The following EGLN3 variants were observed in gnomAD, a reference collection of about 807,000 sequenced individuals.
EGLN3 encodes the protein egl-9 family hypoxia inducible factor 3.
In EGLN3, 15 loss-of-function variants were observed where a neutral mutation model predicts 26.0. The observed-to-expected ratio is 0.58, with a 90% CI of 0.39 to 0.89. The LOEUF (loss-of-function observed/expected upper bound fraction) is 0.89, where lower values mean the gene tolerates loss of function less well. EGLN3 is among the 40% of genes least tolerant of loss of function. EGLN3 has a pLI of 0.00. For missense variants in EGLN3, 238 were observed against 311.6 expected (o/e 0.76, Z 1.78); for synonymous variants, 147 against 127.2 (o/e 1.16, Z -1.05).
chr14:33,940,562 T>C (rs1252271067), intron 1 of EGLN3, among the ~76,000 whole-genome samples: 1 of 152,080 alleles, frequency 6.6e-6, no homozygotes, highest in Non-Finnish European at 1.5e-5. Context: ...CCTGGAGAAC[T>C]TGTGAATTTC....
intron 2 of EGLN3, 37 bp from the exon 3 acceptor site, chr14:33,929,249 C>T: frequency 6.2e-7 from 1 of 1,608,894 alleles, no homozygotes; most frequent in African/African-American, 1.3e-5. Context: ...TTTCTTACCT[C>T]TCATGTAGTT....
In EGLN3 at chr14:33,944,796, C is replaced by T. The variant is rs144195950; in HGVS notation, c.357+5600G>A. 6.3e-3 allele frequency among the ~76,000 whole-genome samples: 967 copies of T among 152,326 alleles called. 7 individuals carry two copies. The highest frequency in any genetic ancestry group is 0.01 in the Non-Finnish European group (697 of 68,030). The stretch of plus-strand genomic sequence containing the variant: ...ACTGGGCACTTCCCTTCCCCATCCA[C>T]GGACAGGTCTCCCACAGTGTGCAGC... On this transcript the variant is annotated intron_variant, in intron 1 of 4. Transcript: ENST00000250457.
At chr14:33,929,037 A>G in intron 3 of EGLN3, 39 bp downstream of exon 3, 1 of 1,608,030 alleles carries the variant, frequency 6.2e-7, no homozygotes, top group South Asian at 1.1e-5. Flanking sequence ...GGGTTTGTAC[A>G]CCAAGCTCCG....
intron 1 of EGLN3, among the ~76,000 whole-genome samples, chr14:33,933,639 T>C (rs757207772): frequency 2.0e-5 from 3 of 152,144 alleles, no homozygotes; most frequent in Non-Finnish European, 4.4e-5. Context: ...ATGAGTGCCA[T>C]AGGAGATGGG....
At chr14:33,928,623 C>A (rs2064378892) in intron 3 of EGLN3, among the ~76,000 whole-genome samples, 1 of 152,114 alleles carries the variant, frequency 6.6e-6, no homozygotes, top group Non-Finnish European at 1.5e-5. Flanking sequence ...AAGAGAAAGT[C>A]AAAACAAATT....
chr14:33,947,247 C>A (rs768914096), intron 1 of EGLN3, among the ~76,000 whole-genome samples: 1 of 152,080 alleles, frequency 6.6e-6, no homozygotes, highest in African/African-American at 2.4e-5. Flanking sequence ...GAGTAGCGAG[C>A]GGATAAATCC....
rs555461616 is a variant in EGLN3, at chr14:33,938,488, C to G, written c.358-7273G>C. Among the ~76,000 whole-genome samples the G allele has an allele frequency of 4.6e-4, 70 of 152,262 alleles. 1 individual carries two copies. Among genetic ancestry groups the G allele is most frequent in the Non-Finnish European group, 8.8e-4 (60 of 68,014 alleles). ...GCAGGGTGATGGCTGAGTGACAGGGCTACGTGCGCTGCGTGAGGGTGGCAG... is the reference window on the plus strand; with the variant it reads ...GCAGGGTGATGGCTGAGTGACAGGGGTACGTGCGCTGCGTGAGGGTGGCAG... On this transcript the variant is annotated intron_variant, in intron 1 of 4. Coordinates refer to ENST00000250457, the MANE Select transcript of EGLN3 (RefSeq NM_022073.4).
intron 1 of EGLN3, among the ~76,000 whole-genome samples, chr14:33,938,984 A>G (rs1428556951): frequency 2.0e-5 from 3 of 152,298 alleles, no homozygotes; most frequent in Non-Finnish European, 4.4e-5. Flanking sequence ...AACATCACCT[A>G]TGGCTCTCTA....
At chr14:33,928,173 A>C (rs144152722) in intron 3 of EGLN3, among the ~76,000 whole-genome samples, 47 of 152,332 alleles carry the variant, frequency 3.1e-4, no homozygotes, top group African/African-American at 1.1e-3. Context: ...CTTCAGTGGT[A>C]GAATTCGTTC....
Position 33,950,605 on chromosome 14 carries a change from G to A in EGLN3, c.148C>T (p.Leu50=). The A allele has an allele frequency of 6.2e-7, 1 of 1,613,678 alleles. No homozygotes were observed. Among genetic ancestry groups the A allele is most frequent in the Non-Finnish European group, 8.5e-7 (1 of 1,179,906 alleles). Reference sequence around the variant, plus strand: ...TCCCGCAGGGCCCCGGTGCAGTGCAGCTGCTTGACGCGCTCCAGGACGCAG... The same window carrying A: ...TCCCGCAGGGCCCCGGTGCAGTGCAACTGCTTGACGCGCTCCAGGACGCAG... ...GDCVLERVKQ[L]HCTGALRDGQ... is the part of the protein sequence containing the mutation. Residue 50 remains leucine, a synonymous_variant, in exon 1 of 5, where the codon CTG becomes TTG. Coordinates refer to ENST00000250457, the MANE Select transcript of EGLN3 (RefSeq NM_022073.4).
intron 1 of EGLN3, among the ~76,000 whole-genome samples, chr14:33,938,718 C>T (rs1489815435): frequency 6.6e-6 from 1 of 152,186 alleles, no homozygotes; most frequent in Non-Finnish European, 1.5e-5. Context: ...ATGCCTTTCC[C>T]CAAATATTAA....
chr14:33,924,453 G>C lies in EGLN3; in HGVS notation c.*1438C>G, dbSNP rs1173693665. On this transcript the variant is annotated 3_prime_UTR_variant, in exon 5 of 5. Transcript: ENST00000250457. ...TATTACCGTACAACAAAATAGAGCA[G>C]TCGTTGAGAATTAATGGTGACATGT... 6.6e-6 allele frequency: 1 copy of C among 152,126 alleles called. No homozygotes were observed. The highest frequency in any genetic ancestry group is 2.4e-5 in the African/African-American group (1 of 41,434). The allele number at this position is 152,126 out of a possible 1,614,324, so 9.4% of individuals were successfully genotyped here. A position where few individuals can be genotyped will look rare whatever the true frequency, so the allele number is the denominator to read the frequency against.
At chr14:33,939,394 TAG>T (rs1258234692) in intron 1 of EGLN3, among the ~76,000 whole-genome samples, 2 of 152,198 alleles carry the variant, frequency 1.3e-5, no homozygotes, top group East Asian at 3.9e-4. Context: ...GTGTTTTTAG[TAG>T]AGACTGGGTT....
rs1594388008 is a variant in EGLN3, at chr14:33,950,639, C to G, written c.114G>C (p.Val38=). ...CGCGCTCCAGGACGCAGTCGCCCAC[C>G]ACCTCGCCCAGGAAGTTGTCCAGGT... ...FCYLDNFLGE[V]VGDCVLERVK... The change falls in exon 1 of 5, where the codon GTG becomes GTC. Residue 38 remains valine, a synonymous_variant. Coordinates refer to ENST00000250457, the MANE Select transcript of EGLN3 (RefSeq NM_022073.4). 7 of 1,614,018 alleles carry G rather than the reference C, an allele frequency of 4.3e-6. No homozygotes were observed. In the East Asian group the frequency reaches 1.6e-4, roughly 36 times the overall value.
intron 1 of EGLN3, among the ~76,000 whole-genome samples, chr14:33,942,295 T>TA (rs35056523): frequency 0.12 from 17,066 of 139,982 alleles, 1,348 homozygotes; most frequent in East Asian, 0.24. Context: ...AAAGTTTAGT[T>TA]AAAAAAAAAA....
At chr14:33,943,635 C>G (rs777231586) in intron 1 of EGLN3, among the ~76,000 whole-genome samples, 7 of 152,158 alleles carry the variant, frequency 4.6e-5, no homozygotes, top group South Asian at 2.1e-4. Context: ...AAGCAGAGGC[C>G]TTGCCAAACC....
chr14:33,948,942 A>G (rs2064536945), intron 1 of EGLN3: 3 of 152,222 alleles, frequency 2.0e-5, no homozygotes, highest in Admixed American at 6.5e-5. Context: ...AGGTCATTTA[A>G]TGCAAAAATC....
chr14:33,930,117 A>C (rs983286074), intron 2 of EGLN3, among the ~76,000 whole-genome samples: 7 of 152,156 alleles, frequency 4.6e-5, no homozygotes, highest in African/African-American at 1.4e-4. Context: ...CTCACACATC[A>C]ATGTTTCTTC....
At chr14:33,944,578 C>A (rs2064504708) in intron 1 of EGLN3, among the ~76,000 whole-genome samples, 1 of 152,188 alleles carries the variant, frequency 6.6e-6, no homozygotes, top group South Asian at 2.1e-4. Flanking sequence ...TTATTAACAT[C>A]CTGTATAGTT....
Sources: gnomAD v4.1 joint callset for allele counts (sites outside exome capture counted in the v4.1 genomes callset) on GRCh38, gnomAD v4.1.1 for gene constraint, MANE v1.5 for transcripts, NCBI Gene and HGNC (gene_info 2026-07-23, HGNC 2026-07-21) for gene names.